The following ATP8A2 variants were observed in gnomAD, a reference collection of about 807,000 sequenced individuals.
ATP8A2 encodes the protein ATPase phospholipid transporting 8A2, also known as phospholipid-transporting ATPase IB.
A neutral mutation model predicts 165.6 loss-of-function variants in ATP8A2; 100 were observed. That is an observed-to-expected ratio of 0.60 (90% CI 0.51 to 0.71). The LOEUF (loss-of-function observed/expected upper bound fraction) is 0.71, where lower values mean the gene tolerates loss of function less well. ATP8A2 is among the 30% of genes least tolerant of loss of function. ATP8A2 has a pLI of 0.00. For missense variants in ATP8A2, 1,227 were observed against 1,479.5 expected (o/e 0.83, Z 2.80); for synonymous variants, 543 against 548.8 (o/e 0.99, Z 0.15).
intron 33 of ATP8A2, among the ~76,000 whole-genome samples, chr13:25,870,543 T>C (rs1289273480): frequency 6.6e-6 from 1 of 152,198 alleles, no homozygotes; most frequent in Non-Finnish European, 1.5e-5. Context: ...GTTTAATATA[T>C]GCAGTTACAT....
In ATP8A2 at chr13:25,372,888, C is replaced by A. The variant is rs548363168; in HGVS notation, c.76+600C>A. Among the ~76,000 whole-genome samples the A allele has an allele frequency of 3.1e-4, 47 of 152,244 alleles. No homozygotes were observed. In the South Asian group the frequency reaches 7.9e-3, roughly 26 times the overall value. On this transcript the variant is annotated intron_variant, in intron 1 of 36. Coordinates refer to ENST00000381655, the MANE Select transcript of ATP8A2 (RefSeq NM_016529.6). This position sits in a 1 kb window ranked among gnomAD's most constrained non-coding sequence, Gnocchi z 4.8. ...ACACACGCACACGCGCGCGCACACA[C>A]ACACACAGGTACACACACACGTACA...
At chr13:25,506,940 C>CATATATATATATATATATATAT (rs59774160) in intron 2 of ATP8A2, among the ~76,000 whole-genome samples, 1,658 of 127,972 alleles carry the variant, frequency 0.013, 25 homozygotes, top group Middle Eastern at 0.017. Context: ...CAGTACAGTA[C>CATATATATATATATATATATAT]ATATATATAT....
chr13:25,525,247 A>G (rs1243679426), intron 2 of ATP8A2, among the ~76,000 whole-genome samples: 1 of 152,086 alleles, frequency 6.6e-6, no homozygotes, highest in Non-Finnish European at 1.5e-5. Flanking sequence ...ATATATTTAT[A>G]CTGCCTATTT....
chr13:25,481,886 C>T (rs777057668), intron 2 of ATP8A2, among the ~76,000 whole-genome samples: 15 of 152,196 alleles, frequency 9.9e-5, no homozygotes, highest in Non-Finnish European at 1.9e-4. Context: ...AGGGTCCCAC[C>T]CTCATGACCT....
rs1203354735 is a variant in ATP8A2, at chr13:25,860,837, T to C, written c.3052T>C (p.Leu1018=). ...TGTTACTGTTTGTCTGAAAGCTGGT[T>C]TGGAGACCACAGCTTGGACTAAAGT... The part of the protein sequence containing the change: ...VVVTVCLKAG[L]ETTAWTKFSH... Residue 1018 remains leucine (L), a synonymous_variant, in exon 32 of 37, where the codon TTG becomes CTG. Transcript: ENST00000381655. 3 of 1,598,028 alleles carry C rather than the reference T, an allele frequency of 1.9e-6. No individual in the cohort carries two copies. The African/African-American group carries it at 4.0e-5, about 21-fold the overall frequency.
rs190276774 is a variant in ATP8A2, at chr13:25,531,214, T to C, written c.420+554T>C. Among the ~76,000 whole-genome samples, 4 of 139,178 alleles carry C rather than the reference T, an allele frequency of 2.9e-5. 1 individual carries two copies. The highest frequency in any genetic ancestry group is 1.1e-4 in the African/African-American group (4 of 36,178). 91.3% of individuals were successfully genotyped at this position (139,178 alleles called of 152,430 possible). ...TATATGTTATATATGATATATGTTA[T>C]ATATGATATATGTTATATATGATAT... On this transcript the variant is annotated intron_variant, in intron 4 of 36. Transcript: ENST00000381655.
At chr13:25,563,893 A>G (rs2138136480) in intron 15 of ATP8A2, 63 bp from the exon 16 acceptor site, 1 of 1,157,244 alleles carries the variant, frequency 8.6e-7, no homozygotes, top group Non-Finnish European at 1.3e-6. Flanking sequence ...GATTCTTTCC[A>G]GGTTTGGGTT....
At chr13:25,643,745 T>G (rs1404871544) in intron 24 of ATP8A2, among the ~76,000 whole-genome samples, 1 of 151,934 alleles carries the variant, frequency 6.6e-6, no homozygotes, top group Non-Finnish European at 1.5e-5. Context: ...TTGTTTTGTT[T>G]TTTTTTTCAG....
At chr13:25,551,299 G>A (rs752726822) in intron 10 of ATP8A2, 39 bp from the exon 11 acceptor site, 1 of 1,585,708 alleles carries the variant, frequency 6.3e-7, no homozygotes, top group Non-Finnish European at 8.6e-7. Flanking sequence ...CCCCAAATCT[G>A]TTCTGTGACC....
At chr13:25,793,103 C>A (rs753382114) in intron 27 of ATP8A2, among the ~76,000 whole-genome samples, 5 of 152,106 alleles carry the variant, frequency 3.3e-5, no homozygotes, top group African/African-American at 4.8e-5. Context: ...TTTTCCCACA[C>A]TGACTGTAAA....
At chr13:25,654,148 A>G (rs1436537253) in intron 24 of ATP8A2, among the ~76,000 whole-genome samples, 1 of 152,184 alleles carries the variant, frequency 6.6e-6, no homozygotes, top group Admixed American at 6.5e-5. Flanking sequence ...CATTCATAGA[A>G]TACCTTTCAG....
rs11842903 is a variant in ATP8A2 at position 25,899,261 on chromosome 13, G to A, written c.3183+36853G>A. ...TGAGTGCTGGAGCTCTGTAGAGCAA[G>A]GGCAGCTTGGGATGGCCTGCCAGTA... On this transcript the variant is annotated intron_variant, in intron 33 of 36. Transcript: ENST00000381655. Among the ~76,000 whole-genome samples the A allele has an allele frequency of 2.9e-3, 448 of 152,342 alleles. 3 individuals are homozygous for A. The highest frequency in any genetic ancestry group is 9.9e-3 in the African/African-American group (412 of 41,586).
chr13:25,873,642 T>C (rs1221476345), intron 33 of ATP8A2, among the ~76,000 whole-genome samples: 1 of 101,044 alleles, frequency 9.9e-6, no homozygotes, highest in African/African-American at 4.0e-5. Flanking sequence ...AAGTATCTCT[T>C]TTTTTTTTTT....
intron 33 of ATP8A2, among the ~76,000 whole-genome samples, chr13:25,888,845 C>T (rs952700904): frequency 3.9e-5 from 6 of 152,098 alleles, no homozygotes; most frequent in East Asian, 1.9e-4. Context: ...GGCGACAAGA[C>T]GGAAACTCTT....
At chr13:25,804,970 G>T (rs1453797237) in intron 27 of ATP8A2, among the ~76,000 whole-genome samples, 1 of 152,136 alleles carries the variant, frequency 6.6e-6, no homozygotes, top group Non-Finnish European at 1.5e-5. Flanking sequence ...GAGGTCTTAG[G>T]TCCAAAATGT....
chr13:25,597,647 G>A (rs71431760), intron 24 of ATP8A2, among the ~76,000 whole-genome samples: 6,411 of 152,200 alleles, frequency 0.042, 287 homozygotes, highest in Admixed American at 0.093. Context: ...CTCCAGTCAG[G>A]CCTTGAGGTG....
chr13:25,475,139 A>C (rs112323055), intron 2 of ATP8A2, among the ~76,000 whole-genome samples: 5,853 of 151,996 alleles, frequency 0.039, 149 homozygotes, highest in Non-Finnish European at 0.051. Flanking sequence ...CCCGGCCTCA[A>C]TAGTTATTTT....
chr13:25,871,112 T>C lies in ATP8A2; in HGVS notation c.3183+8704T>C, dbSNP rs536664445. ...GGCCCCGCGGCTTTGATTGAGTGGT[T>C]TTTTTTTTTCTTCAGAGGTTTTGTT... is the stretch of plus-strand genomic sequence containing the variant. On this transcript the variant is annotated intron_variant, in intron 33 of 36. Transcript: ENST00000381655. The C allele has an allele frequency of 2.2e-3, 601 of 270,736 alleles. 5 individuals carry two copies. Among genetic ancestry groups the C allele is most frequent in the African/African-American group, 0.014 (573 of 41,508 alleles). 16.8% of individuals were successfully genotyped at this position (270,736 alleles called of 1,614,324 possible).
intron 33 of ATP8A2, among the ~76,000 whole-genome samples, chr13:25,912,815 G>C (rs771762260): frequency 6.6e-6 from 1 of 152,122 alleles, no homozygotes; most frequent in Non-Finnish European, 1.5e-5. Context: ...CTCCATTACG[G>C]TAACAATTGG....
Sources: gnomAD v4.1 joint callset for allele counts (sites outside exome capture counted in the v4.1 genomes callset) on GRCh38, gnomAD v4.1.1 for gene constraint, Gnocchi (gnomAD v3.1) non-coding constraint, MANE v1.5 for transcripts, NCBI Gene and HGNC (gene_info 2026-07-23, HGNC 2026-07-21) for gene names.